Variants in CCDC148 observed in about 807,000 individuals in gnomAD.
CCDC148 encodes coiled-coil domain containing 148.
Under a neutral mutation model 85.7 loss-of-function variants are expected in CCDC148, and 89 were observed. The ratio of observed to expected loss-of-function variants is 1.04; its 90% CI spans 0.87 to 1.24. The LOEUF is 1.24. Ranked by LOEUF, CCDC148 falls within the 50% of genes most tolerant of loss-of-function variation. The pLI is 0.00. For missense variants in CCDC148, 692 were observed against 671.7 expected (o/e 1.03, Z -0.33); for synonymous variants, 230 against 213.9 (o/e 1.08, Z -0.66).
intron 1 of CCDC148, among the ~76,000 whole-genome samples, chr2:158,372,436 A>C (rs555369393): frequency 1.3e-5 from 2 of 151,996 alleles, no homozygotes; most frequent in Non-Finnish European, 2.9e-5. Flanking sequence ...AGAATAATGA[A>C]AGTAATCCTC....
intron 2 of CCDC148, among the ~76,000 whole-genome samples, chr2:158,354,350 AAGAG>A (rs1454457654): frequency 6.6e-6 from 1 of 152,168 alleles, no homozygotes; most frequent in Admixed American, 6.5e-5. Context: ...TAAAGAAAAA[AAGAG>A]AGAAGAATCT....
At chr2:158,220,782 C>T (rs1558993218) in intron 10 of CCDC148, 69 bp from the exon 11 acceptor site, 1 of 1,187,556 alleles carries the variant, frequency 8.4e-7, no homozygotes, top group African/African-American at 1.6e-5. Context: ...AAAGCCATAA[C>T]CATATCCACT....
intron 1 of CCDC148, among the ~76,000 whole-genome samples, chr2:158,441,637 C>A (rs1460853868): frequency 6.6e-6 from 1 of 152,048 alleles, no homozygotes; most frequent in Non-Finnish European, 1.5e-5. Context: ...AATTTTAATT[C>A]TTTCTTTTGT....
chr2:158,236,702 C>T (rs922175474), intron 10 of CCDC148, among the ~76,000 whole-genome samples: 1 of 152,082 alleles, frequency 6.6e-6, no homozygotes, highest in Non-Finnish European at 1.5e-5. Flanking sequence ...CTAAGGTCAC[C>T]GCTCTTGTTA....
intron 1 of CCDC148, chr2:158,425,316 T>C (rs565695538): frequency 5.7e-6 from 3 of 527,634 alleles, no homozygotes; most frequent in African/African-American, 3.8e-5. Flanking sequence ...AAGGAGGACA[T>C]TGGAGAAAAC....
intron 1 of CCDC148, among the ~76,000 whole-genome samples, chr2:158,384,523 CCTT>C (rs1232560453): frequency 1.3e-5 from 2 of 152,124 alleles, no homozygotes; most frequent in Non-Finnish European, 2.9e-5. Context: ...CTTTCTTCCT[CCTT>C]CTCCAGCCAT....
intron 1 of CCDC148, among the ~76,000 whole-genome samples, chr2:158,432,927 A>G (rs943386678): frequency 6.6e-6 from 1 of 151,570 alleles, no homozygotes. Flanking sequence ...CTCAAATCAT[A>G]CACAAAAATT....
At chr2:158,289,753 T>C (rs1479985782) in intron 9 of CCDC148, among the ~76,000 whole-genome samples, 2 of 152,168 alleles carry the variant, frequency 1.3e-5, no homozygotes, top group Admixed American at 6.5e-5. Flanking sequence ...AGGGAACACA[T>C]ATAAAAACAT....
At chr2:158,441,939 T>G (rs1406037576) in intron 1 of CCDC148, among the ~76,000 whole-genome samples, 1 of 152,186 alleles carries the variant, frequency 6.6e-6, no homozygotes, top group African/African-American at 2.4e-5. Context: ...TACCAAAGAT[T>G]TGGCATAATG....
intron 9 of CCDC148, among the ~76,000 whole-genome samples, chr2:158,265,634 G>T (rs1365375757): frequency 1.3e-5 from 2 of 152,074 alleles, no homozygotes; most frequent in African/African-American, 4.8e-5. Context: ...GGCTAGCTGG[G>T]TCCACTTCCT....
chr2:158,278,602 T>C (rs920539564), intron 9 of CCDC148, among the ~76,000 whole-genome samples: 12 of 152,240 alleles, frequency 7.9e-5, no homozygotes, highest in African/African-American at 2.9e-4. Context: ...CCAGGCTTGC[T>C]TAGGTAAACA....
At chr2:158,393,055 T>TA (rs111307661) in intron 1 of CCDC148, among the ~76,000 whole-genome samples, 12 of 149,614 alleles carry the variant, frequency 8.0e-5, no homozygotes, top group East Asian at 3.9e-4. Flanking sequence ...AGTTTTAGTT[T>TA]AAAAAAAAAA....
At chr2:158,277,734 C>A (rs527284799) in intron 9 of CCDC148, among the ~76,000 whole-genome samples, 1 of 152,198 alleles carries the variant, frequency 6.6e-6, no homozygotes, top group South Asian at 2.1e-4. Context: ...GTAGCTGGGA[C>A]TACAGGCGCC....
At chr2:158,224,938 A>C (rs1401393215) in intron 10 of CCDC148, among the ~76,000 whole-genome samples, 1 of 152,108 alleles carries the variant, frequency 6.6e-6, no homozygotes, top group Non-Finnish European at 1.5e-5. Context: ...GACAGGATCA[A>C]ATTCACACAT....
intron 3 of CCDC148, among the ~76,000 whole-genome samples, chr2:158,341,733 A>C (rs758197848): frequency 8.5e-5 from 13 of 152,136 alleles, no homozygotes; most frequent in Non-Finnish European, 1.5e-4. Context: ...AATCATATAA[A>C]AGAGTTTTAT....
chr2:158,396,703 T>G (rs959798551), intron 1 of CCDC148, among the ~76,000 whole-genome samples: 1 of 152,104 alleles, frequency 6.6e-6, no homozygotes, highest in African/African-American at 2.4e-5. Flanking sequence ...TTGGAAGGTT[T>G]AAATCATATA....
At chr2:158,415,062 G>T (rs937408598) in intron 1 of CCDC148, among the ~76,000 whole-genome samples, 1 of 151,888 alleles carries the variant, frequency 6.6e-6, no homozygotes, top group Non-Finnish European at 1.5e-5. Flanking sequence ...TCCATAGTTT[G>T]GGGCCATAAT....
Position 158,328,023 on chromosome 2 carries a change from C to CT in CCDC148, c.764+10702dup, listed in dbSNP as rs1392410694. On this transcript the variant is annotated intron_variant, in intron 7 of 13. Transcript: ENST00000283233. ...GCCATCTTACTAAATTATCTCATTT[C>CT]TTTTTTTTTTATTTAAGTTTTAGGG... Among the ~76,000 whole-genome samples, 668 of 148,484 alleles carry CT rather than the reference C, an allele frequency of 4.5e-3. 1 individual carries two copies. The highest frequency in any genetic ancestry group is 0.015 in the African/African-American group (595 of 40,552).
At chr2:158,289,226 A>G (rs760284360) in intron 9 of CCDC148, among the ~76,000 whole-genome samples, 1 of 152,258 alleles carries the variant, frequency 6.6e-6, no homozygotes, top group African/African-American at 2.4e-5. Context: ...TGATAAATCA[A>G]TTACATAAAA....
Sources: gnomAD v4.1 joint callset for allele counts (sites outside exome capture counted in the v4.1 genomes callset) on GRCh38, gnomAD v4.1.1 for gene constraint, MANE v1.5 for transcripts, NCBI Gene and HGNC (gene_info 2026-07-23, HGNC 2026-07-21) for gene names.